ZCCHC14: variants seen among roughly 807,000 people sequenced by gnomAD.
The protein encoded by ZCCHC14 is zinc finger CCHC-type containing 14, also known as zinc finger CCHC domain-containing protein 14.
A neutral mutation model predicts 85.0 loss-of-function variants in ZCCHC14; 16 were observed. That is an observed-to-expected ratio of 0.19 (90% CI 0.13 to 0.29). The LOEUF is 0.29. ZCCHC14 is among the 10% of genes least tolerant of loss of function. ZCCHC14 has a pLI of 1.00. For missense variants in ZCCHC14, 1,303 were observed against 1,443.5 expected, an observed-to-expected ratio of 0.90 and a Z score of 1.58; for synonymous variants, 775 against 630.7, an observed-to-expected ratio of 1.23 and a Z score of -3.43.
chr16:87,423,686 G>A (rs899900863), intron 4 of ZCCHC14, 124 bp downstream of exon 4: 14 of 1,061,884 alleles, frequency 1.3e-5, no homozygotes, highest in Admixed American at 1.3e-4. Flanking sequence ...TGGGCAGGAG[G>A]CCCCGCCCTG....
intron 7 of ZCCHC14, 130 bp downstream of exon 7, chr16:87,418,717 A>G: frequency 1.0e-6 from 1 of 962,326 alleles, no homozygotes; most frequent in South Asian, 1.4e-5. Flanking sequence ...TCTCTACTCA[A>G]TTCTTCTCAA....
At chr16:87,475,892 C>A (rs1055165304) in intron 1 of ZCCHC14, among the ~76,000 whole-genome samples, 1 of 152,102 alleles carries the variant, frequency 6.6e-6, no homozygotes, top group South Asian at 2.1e-4. Context: ...ATTTACAGAT[C>A]TAGTAAGTTC....
chr16:87,426,940 A>T (rs1210440746), intron 3 of ZCCHC14, among the ~76,000 whole-genome samples: 1 of 152,234 alleles, frequency 6.6e-6, no homozygotes, highest in Non-Finnish European at 1.5e-5. Context: ...TAGGAATGAA[A>T]CGCTCAACTA....
chr16:87,488,137 T>C (rs1242331705), intron 1 of ZCCHC14, among the ~76,000 whole-genome samples: 1 of 152,174 alleles, frequency 6.6e-6, no homozygotes, highest in Non-Finnish European at 1.5e-5. Flanking sequence ...TCTCTTTCAA[T>C]AAAGCTGTTA....
chr16:87,430,047 A>C (rs766621038), intron 3 of ZCCHC14, among the ~76,000 whole-genome samples: 1 of 152,230 alleles, frequency 6.6e-6, no homozygotes, highest in Non-Finnish European at 1.5e-5. Flanking sequence ...TCTCAAAGAG[A>C]AAGTTTCAAA....
chr16:87,423,169 C>T (rs192303387), intron 4 of ZCCHC14, among the ~76,000 whole-genome samples: 9 of 152,304 alleles, frequency 5.9e-5, no homozygotes, highest in Non-Finnish European at 1.0e-4. Context: ...GCCCTAAACA[C>T]GTGTGCAGTT....
chr16:87,465,653 G>A (rs1227286103), intron 1 of ZCCHC14, among the ~76,000 whole-genome samples: 3 of 152,186 alleles, frequency 2.0e-5, no homozygotes, highest in East Asian at 1.9e-4. Context: ...ACTTTAATGT[G>A]CAAAATGCCT....
In ZCCHC14 at chr16:87,423,847, G is replaced by C. The variant is rs1909230822; in HGVS notation, c.803C>G (p.Thr268Ser). 6.2e-7 allele frequency: 1 copy of C among 1,613,986 alleles called. No individual in the cohort carries two copies. Residue 268 changes from threonine to serine, a missense_variant, in exon 4 of 13, where the codon ACC becomes AGC. This residue lies in a region of ZCCHC14 where 389 missense variants were observed against 397.8 expected (regional missense o/e 0.98). Transcript: ENST00000671377. ...TTCCGTCACTTCAGAGGAAGATTTG[G>C]TTACTGATGTTATTGAAGAATCAGA... ...LWSDSSITSVTKSSSEVTEFI... is the reference protein window; with the variant it reads ...LWSDSSITSVSKSSSEVTEFI...
chr16:87,414,474 G>A lies in ZCCHC14; in HGVS notation c.1543C>T (p.Arg515Ter), dbSNP rs1908675867. The A allele has an allele frequency of 6.2e-7, 1 of 1,613,378 alleles. No homozygotes were observed. Among genetic ancestry groups the A allele is most frequent in the Non-Finnish European group, 8.5e-7 (1 of 1,179,968 alleles). The change falls in exon 10 of 13, where the codon CGA becomes TGA. Residue 515 changes from arginine to a stop codon, truncating the protein, a stop_gained. Coordinates refer to ENST00000671377, the MANE Select transcript of ZCCHC14 (RefSeq NM_015144.3). LOFTEE classifies it high-confidence loss of function. ...CCGACGTGGCTGGTGGGGGGCACTC[G>A]AGCCACACCACTGCTGGTGACCAGC... The part of the protein sequence containing the change: ...PPLVTSSGVA[R>*]VPPTSHVGPV...
intron 2 of ZCCHC14, among the ~76,000 whole-genome samples, chr16:87,438,938 T>C (rs1228878457): frequency 1.3e-5 from 2 of 152,246 alleles, no homozygotes; most frequent in Non-Finnish European, 2.9e-5. Flanking sequence ...CAGACCGTAT[T>C]ATTTAGTTAA....
In ZCCHC14 at chr16:87,492,381, C is replaced by T. The variant is rs1186234115; in HGVS notation, c.-143G>A. ...TCCGGGCGAGGGCGCGCGGGCGCCG[C>T]GGGCCGGGCGGGCGCCGGGGCGGGG... On this transcript the variant is annotated 5_prime_UTR_variant, in exon 1 of 13. Transcript: ENST00000671377. This position sits in a 1 kb window ranked among gnomAD's most constrained non-coding sequence, Gnocchi z 6.7. The T allele has an allele frequency of 6.9e-6, 1 of 143,946 alleles. No individual in the cohort carries two copies. The highest frequency in any genetic ancestry group is 1.5e-5 in the Non-Finnish European group (1 of 66,058). 8.9% of individuals were successfully genotyped at this position (143,946 alleles called of 1,614,324 possible). A position where few individuals can be genotyped will look rare whatever the true frequency, so the allele number is the denominator to read the frequency against.
In ZCCHC14 at chr16:87,407,493, C is replaced by CT. The variant is rs899009718; in HGVS notation, c.*2786dup. The CT allele has an allele frequency of 2.0e-5, 3 of 152,170 alleles. No homozygotes were observed. Among genetic ancestry groups the CT allele is most frequent in the African/African-American group, 7.2e-5 (3 of 41,430 alleles). 9.4% of individuals were successfully genotyped at this position (152,170 alleles called of 1,614,324 possible). A position where few individuals can be genotyped will look rare whatever the true frequency, so the allele number is the denominator to read the frequency against. Reference sequence around the variant, plus strand: ...CAACATTAGAAAATAAGGTAGAAAACTGAGTGTTTTGCTTAAAAAATAAAA... The same window carrying CT: ...CAACATTAGAAAATAAGGTAGAAAACTTGAGTGTTTTGCTTAAAAAATAAAA... On this transcript the variant is annotated 3_prime_UTR_variant, in exon 13 of 13. Coordinates refer to ENST00000671377, the MANE Select transcript of ZCCHC14 (RefSeq NM_015144.3).
chr16:87,458,369 G>A (rs1296622218), intron 2 of ZCCHC14, among the ~76,000 whole-genome samples: 1 of 152,226 alleles, frequency 6.6e-6, no homozygotes, highest in South Asian at 2.1e-4. Flanking sequence ...GGCATCACCA[G>A]GATGAGGGTG....
chr16:87,487,045 C>A (rs1912542026), intron 1 of ZCCHC14, among the ~76,000 whole-genome samples: 1 of 152,240 alleles, frequency 6.6e-6, no homozygotes, highest in African/African-American at 2.4e-5. Flanking sequence ...TGTTTCACCT[C>A]TGAACTGCAA....
At chr16:87,456,344 C>T (rs902434243) in intron 2 of ZCCHC14, among the ~76,000 whole-genome samples, 1 of 151,832 alleles carries the variant, frequency 6.6e-6, no homozygotes, top group Admixed American at 6.6e-5. Context: ...TCCTGGCTAA[C>T]ACGGTGAAAC....
intron 1 of ZCCHC14, among the ~76,000 whole-genome samples, chr16:87,487,092 A>C (rs1436339641): frequency 2.6e-5 from 4 of 152,240 alleles, no homozygotes; most frequent in African/African-American, 9.6e-5. Context: ...ACGAAGCAAA[A>C]GCTGTTGCTG....
intron 1 of ZCCHC14, among the ~76,000 whole-genome samples, chr16:87,490,717 G>T (rs1912715139): frequency 6.6e-6 from 1 of 152,218 alleles, no homozygotes; most frequent in African/African-American, 2.4e-5. Context: ...GGGCATTTAA[G>T]GCTCTGGGAG....
At chr16:87,468,941 C>T (rs1484389759) in intron 1 of ZCCHC14, among the ~76,000 whole-genome samples, 4 of 152,164 alleles carry the variant, frequency 2.6e-5, no homozygotes, top group Non-Finnish European at 5.9e-5. Context: ...AGCTGGCAAA[C>T]GACGCAGGCT....
At chr16:87,418,267 G>C (rs1908899307) in intron 7 of ZCCHC14, among the ~76,000 whole-genome samples, 1 of 152,204 alleles carries the variant, frequency 6.6e-6, no homozygotes, top group Admixed American at 6.5e-5. Flanking sequence ...AAGGCTGGAA[G>C]GTGTGACCGG....
Sources: allele counts gnomAD v4.1 joint callset (sites outside exome capture counted in the v4.1 genomes callset), GRCh38; gene constraint gnomAD v4.1.1; regional missense constraint gnomAD v4.1.1; non-coding constraint Gnocchi (gnomAD v3.1); transcripts MANE v1.5; gene names NCBI Gene and HGNC (gene_info 2026-07-23, HGNC 2026-07-21).